The following AKAP9 variants were observed in gnomAD, a reference collection of about 807,000 sequenced individuals.
AKAP9 encodes A-kinase anchoring protein 9.
A neutral mutation model predicts 488.5 loss-of-function variants in AKAP9; 311 were observed. The ratio of observed to expected loss-of-function variants is 0.64; its 90% CI spans 0.58 to 0.70. The LOEUF is 0.70. AKAP9 is among the 30% of genes least tolerant of loss of function. The probability of loss-of-function intolerance (pLI) is 0.00; values close to 1 mark genes in which losing one functional copy is unlikely to be tolerated. For missense variants in AKAP9, 4,215 were observed against 4,374.5 expected (o/e 0.96, Z 1.03); for synonymous variants, 1,462 against 1,483.5 (o/e 0.99, Z 0.33).
chr7:91,997,525 T>C (rs1478947955), intron 7 of AKAP9, among the ~76,000 whole-genome samples: 1 of 152,174 alleles, frequency 6.6e-6, no homozygotes, highest in Non-Finnish European at 1.5e-5. Context: ...TCTCAACTGA[T>C]AGAAATGGGG....
rs1790652314 is a variant in AKAP9, at chr7:91,940,881, G to A, written c.-219G>A. 4 of 602,030 alleles carry A rather than the reference G, an allele frequency of 6.6e-6. No homozygotes were observed. Among genetic ancestry groups the A allele is most frequent in the South Asian group, 1.9e-5 (1 of 52,982 alleles). The allele number at this position is 602,030 out of a possible 1,614,324, so 37.3% of individuals were successfully genotyped here. On this transcript the variant is annotated 5_prime_UTR_variant, in exon 1 of 50. Coordinates refer to ENST00000356239, the MANE Select transcript of AKAP9 (RefSeq NM_005751.5). ...CGCCGTGTGTTTACGTGGAGACGAA[G>A]ATGGCGGCGGCGGCGGCGGTGACGG...
intron 16 of AKAP9, among the ~76,000 whole-genome samples, chr7:92,037,361 C>T (rs903450514): frequency 6.6e-6 from 1 of 152,162 alleles, no homozygotes; most frequent in Non-Finnish European, 1.5e-5. Flanking sequence ...AGGTGAATCA[C>T]ATTCAGGACA....
chr7:91,956,210 C>T (rs940950019), intron 1 of AKAP9, among the ~76,000 whole-genome samples: 2 of 151,546 alleles, frequency 1.3e-5, no homozygotes, highest in African/African-American at 4.8e-5. Context: ...ACCATCCTGG[C>T]TAGCACGGTG....
Position 92,002,102 on chromosome 7 carries a change from G to T in AKAP9, c.2185G>T (p.Glu729Ter). 6.3e-7 allele frequency: 1 copy of T among 1,594,194 alleles called. No homozygotes were observed. The highest frequency in any genetic ancestry group is 1.2e-5 in the South Asian group (1 of 85,408). The change falls in exon 8 of 50, where the codon GAA becomes TAA. Residue 729 changes from glutamate to a stop codon, truncating the protein, a stop_gained. Coordinates refer to ENST00000356239, the MANE Select transcript of AKAP9 (RefSeq NM_005751.5). LOFTEE classifies it high-confidence loss of function. ...LQINELQKEI[E>*]ILRQEEKEKG... is the part of the protein sequence containing the mutation. Reference sequence around the variant, plus strand: ...AATCAATGAACTTCAAAAAGAAATTGAAATACTCAGACAAGAAGAAAAAGA... The same window carrying T: ...AATCAATGAACTTCAAAAAGAAATTTAAATACTCAGACAAGAAGAAAAAGA...
At chr7:92,059,330 T>G (rs1041294681) in intron 22 of AKAP9, among the ~76,000 whole-genome samples, 4 of 151,970 alleles carry the variant, frequency 2.6e-5, no homozygotes, top group African/African-American at 9.6e-5. Flanking sequence ...ATTAAGTATT[T>G]AATGAACATT....
chr7:92,059,859 A>C (rs1809442083), intron 22 of AKAP9, among the ~76,000 whole-genome samples: 1 of 151,684 alleles, frequency 6.6e-6, no homozygotes, highest in Admixed American at 6.6e-5. Flanking sequence ...TAAAGGAAAA[A>C]CTCTTTCCAG....
rs1265831908 is a variant in AKAP9, at chr7:92,096,790, A to G, written c.9831A>G (p.Ile3277Met). 1.2e-6 allele frequency: 2 copies of G among 1,614,142 alleles called. No individual in the cohort carries two copies. Among genetic ancestry groups the G allele is most frequent in the Non-Finnish European group, 1.7e-6 (2 of 1,180,054 alleles). The change falls in exon 41 of 50, where the codon ATA becomes ATG. Residue 3277 changes from isoleucine (I) to methionine (M), a missense_variant. Coordinates refer to ENST00000356239, the MANE Select transcript of AKAP9 (RefSeq NM_005751.5). ...TACTGAACGAATCCCAGCAAAAAAT[A>G]GAATCACAGAGAATGCTATATGATG... ...KQLLNESQQKIESQRMLYDAQ... is the reference protein window; with the variant it reads ...KQLLNESQQKMESQRMLYDAQ...
At chr7:92,074,494 C>T (rs1015747809) in intron 28 of AKAP9, among the ~76,000 whole-genome samples, 44 of 152,156 alleles carry the variant, frequency 2.9e-4, no homozygotes, top group African/African-American at 9.9e-4. Context: ...CCTTTTGACC[C>T]AGCAATCCCA....
intron 22 of AKAP9, among the ~76,000 whole-genome samples, chr7:92,060,178 G>GTAT (rs1277058130): frequency 2.6e-5 from 4 of 151,930 alleles, no homozygotes; most frequent in African/African-American, 9.7e-5. Context: ...GTATCCTTTA[G>GTAT]TATTATCATG....
intron 28 of AKAP9, among the ~76,000 whole-genome samples, chr7:92,071,561 A>G (rs898233465): frequency 6.6e-6 from 1 of 152,116 alleles, no homozygotes; most frequent in African/African-American, 2.4e-5. Context: ...AAAACTAAAA[A>G]TCTACTTTCA....
At chr7:92,106,299 T>A (rs9690208) in intron 47 of AKAP9, among the ~76,000 whole-genome samples, 63,117 of 152,024 alleles carry the variant, frequency 0.42, 13,647 homozygotes, top group African/African-American at 0.52. Context: ...AGTCTGCACC[T>A]GGCCATGCTC....
At chr7:91,942,307 A>AAT (rs1044184516) in intron 1 of AKAP9, among the ~76,000 whole-genome samples, 27 of 152,292 alleles carry the variant, frequency 1.8e-4, no homozygotes, top group African/African-American at 6.0e-4. Flanking sequence ...TTGTTAAATG[A>AAT]ATATATATAT....
intron 28 of AKAP9, among the ~76,000 whole-genome samples, chr7:92,072,544 C>A (rs1811885192): frequency 6.6e-6 from 1 of 152,136 alleles, no homozygotes; most frequent in Non-Finnish European, 1.5e-5. Flanking sequence ...CCCTATGTAT[C>A]ATGGTATTTG....
intron 46 of AKAP9, among the ~76,000 whole-genome samples, chr7:92,105,362 C>T (rs1407681730): frequency 6.6e-6 from 1 of 152,180 alleles, no homozygotes; most frequent in Admixed American, 6.5e-5. Flanking sequence ...CTCACCCTTT[C>T]TTTGCCTATC....
intron 30 of AKAP9, 95 bp from the exon 31 acceptor site, chr7:92,078,984 A>T: frequency 1.3e-6 from 1 of 743,084 alleles, no homozygotes; most frequent in South Asian, 2.0e-5. Flanking sequence ...TTTGTGTGTG[A>T]TCATCTCTTT....
rs143894795 is a variant in AKAP9 at position 92,001,289 on chromosome 7, G to C, written c.1372G>C (p.Ala458Pro). ...ACAAGAATTAATAAGACAACACATG[G>C]CACAGATGGAGGAAATGAAAACACG... ...MKQELIRQHM[A>P]QMEEMKTRHK... The change falls in exon 8 of 50, where the codon GCA becomes CCA. Residue 458 changes from alanine (A) to proline (P), a missense_variant. Around this residue, in one of 5 missense-constraint regions of AKAP9, gnomAD observed 2,361 missense variants for 2,430.0 expected, o/e 0.97. Transcript: ENST00000356239. The C allele has an allele frequency of 4.4e-4, 705 of 1,613,920 alleles. 4 individuals carry two copies. The African/African-American group carries it at 8.3e-3, about 19-fold the overall frequency.
chr7:92,019,442 CTTAT>C (rs146689649), intron 12 of AKAP9, among the ~76,000 whole-genome samples: 1 of 151,692 alleles, frequency 6.6e-6, no homozygotes, highest in Non-Finnish European at 1.5e-5. Flanking sequence ...ACCCGACCTA[CTTAT>C]TTATTTATTT....
chr7:91,993,956 C>T (rs769695689), intron 5 of AKAP9, among the ~76,000 whole-genome samples: 33 of 152,076 alleles, frequency 2.2e-4, no homozygotes, highest in Admixed American at 4.6e-4. Context: ...TAGCAAGACC[C>T]CGCTTCTACA....
intron 49 of AKAP9, chr7:92,108,919 C>G: frequency 2.1e-6 from 1 of 487,042 alleles, no homozygotes; most frequent in South Asian, 2.0e-5. Flanking sequence ...CAATGAGCAC[C>G]AGTGTGCAAG....
Sources: allele counts gnomAD v4.1 joint callset (sites outside exome capture counted in the v4.1 genomes callset), GRCh38; gene constraint gnomAD v4.1.1; regional missense constraint gnomAD v4.1.1; transcripts MANE v1.5; gene names NCBI Gene and HGNC (gene_info 2026-07-23, HGNC 2026-07-21).